Variants in FNTB observed in about 807,000 individuals in gnomAD.
The protein encoded by FNTB is farnesyltransferase, CAAX box, subunit beta.
A neutral mutation model predicts 59.4 loss-of-function variants in FNTB; 27 were observed. The ratio of observed to expected loss-of-function variants is 0.45; its 90% CI spans 0.34 to 0.63. The LOEUF is 0.63. Ranked by LOEUF, FNTB falls within the 20% of genes least tolerant of loss-of-function variation. The pLI, the probability that FNTB is intolerant of heterozygous loss-of-function variation, is 0.02. For synonymous variants in FNTB, 230 were observed against 220.7 expected, an observed-to-expected ratio of 1.04 and a Z score of -0.37; for missense variants, 449 against 559.6, an observed-to-expected ratio of 0.80 and a Z score of 1.99.
intron 3 of FNTB, among the ~76,000 whole-genome samples, chr14:65,013,562 A>G (rs577203371): frequency 4.3e-4 from 66 of 152,234 alleles, no homozygotes; most frequent in African/African-American, 1.4e-3. Flanking sequence ...TTCTCTCATA[A>G]TTTATGAGAT....
rs931529946 is a variant in FNTB, at chr14:64,990,111, T to C, written c.144+3014T>C. 6.6e-6 allele frequency among the ~76,000 whole-genome samples: 1 copy of C among 152,126 alleles called. No homozygotes were observed. The highest frequency in any genetic ancestry group is 1.5e-5 in the Non-Finnish European group (1 of 68,004). On this transcript the variant is annotated intron_variant, in intron 1 of 11. Transcript: ENST00000246166. This position sits in a 1 kb window ranked among gnomAD's most constrained non-coding sequence, Gnocchi z 5.2. ...AGGACCAAGGCAGCAGAATGCCAGG[T>C]GAGCAGGGGGCTTAGCAAACCAGAG...
At position 65,027,735 on chromosome 14, in the gene FNTB, C is replaced by A; in HGVS notation, c.559C>A (p.Pro187Thr). ...LLQYLYSLKQ[P>T]DGSFLMHVGG... ...TCAGTATTTGTACTCCCTGAAGCAACCTGACGGCTCCTTTCTCATGCATGT... is the reference window on the plus strand; with the variant it reads ...TCAGTATTTGTACTCCCTGAAGCAAACTGACGGCTCCTTTCTCATGCATGT... Residue 187 changes from proline (P) to threonine (T), a missense_variant, in exon 6 of 12, where the codon CCT becomes ACT. Coordinates refer to ENST00000246166, the MANE Select transcript of FNTB (RefSeq NM_002028.4). This position sits in a 1 kb window ranked among gnomAD's most constrained non-coding sequence, Gnocchi z 5.7. The A allele has an allele frequency of 6.2e-7, 1 of 1,614,196 alleles. No homozygotes were observed. Among genetic ancestry groups the A allele is most frequent in the Non-Finnish European group, 8.5e-7 (1 of 1,180,040 alleles).
chr14:65,039,707 A>C (rs1361093305), intron 7 of FNTB, among the ~76,000 whole-genome samples: 1 of 152,218 alleles, frequency 6.6e-6, no homozygotes, highest in African/African-American at 2.4e-5. Flanking sequence ...AGGCTGGGTA[A>C]CTTAGAAAGA....
chr14:65,059,919 C>T (rs1254266143), intron 11 of FNTB, among the ~76,000 whole-genome samples: 4 of 150,642 alleles, frequency 2.7e-5, no homozygotes, highest in East Asian at 3.9e-4. Flanking sequence ...CTGCAACCTC[C>T]GCCTCCCGGG....
At chr14:65,040,952 C>A (rs2062338633) in intron 8 of FNTB, 33 bp downstream of exon 8, 1 of 1,607,302 alleles carries the variant, frequency 6.2e-7, no homozygotes, top group African/African-American at 1.3e-5. Flanking sequence ...CCCTCTCAGG[C>A]CCCAGGTCAT....
chr14:65,015,156 G>A (rs2139522711), intron 3 of FNTB, among the ~76,000 whole-genome samples: 1 of 150,432 alleles, frequency 6.6e-6, no homozygotes, highest in Non-Finnish European at 1.5e-5. Context: ...AGGCTGGAGT[G>A]CAGTGGTGCC....
rs1341080388 is a variant in FNTB at position 65,027,704 on chromosome 14, G to T, written c.528G>T (p.Lys176Asn). 1 of 1,614,076 alleles carries T rather than the reference G, an allele frequency of 6.2e-7. No homozygotes were observed. The highest frequency in any genetic ancestry group is 8.5e-7 in the Non-Finnish European group (1 of 1,180,044). Residue 176 changes from lysine (K) to asparagine (N), a missense_variant, in exon 6 of 12, where the codon AAG becomes AAT. By Grantham distance (94) the Lys-to-Asn change is moderately conservative (BLOSUM62 0). Transcript: ENST00000246166. This position sits in a 1 kb window ranked among gnomAD's most constrained non-coding sequence, Gnocchi z 5.7. Reference protein sequence around the residue: ...EEAYDIINREKLLQYLYSLKQ... With the variant: ...EEAYDIINRENLLQYLYSLKQ... ...CTCTTTCCCTGTTTCTCAGAGAGAA[G>T]CTTCTTCAGTATTTGTACTCCCTGA...
At chr14:65,060,697 C>CAAAA (rs59036615) in intron 11 of FNTB, among the ~76,000 whole-genome samples, 1 of 48,608 alleles carries the variant, frequency 2.1e-5, no homozygotes, top group East Asian at 5.1e-4. Context: ...GACTCCGTCT[C>CAAAA]AAAAAAAAAA....
Position 65,012,460 on chromosome 14 carries a change from G to GT in FNTB, c.282+72dup, listed in dbSNP as rs1408282774. ...ATCCTCCTCCTTTTTCTATTTAAAC[G>GT]TAAAAGACTGTTGGGGCTGACCTGT... On this transcript the variant is annotated intron_variant, in intron 3 of 11. Transcript: ENST00000246166. This position sits in a 1 kb window ranked among gnomAD's most constrained non-coding sequence, Gnocchi z 5.0. 1 of 1,587,866 alleles carries GT rather than the reference G, an allele frequency of 6.3e-7. No individual in the cohort carries two copies. The highest frequency in any genetic ancestry group is 8.6e-7 in the Non-Finnish European group (1 of 1,161,298).
intron 4 of FNTB, among the ~76,000 whole-genome samples, chr14:65,016,298 G>A (rs912629793): frequency 1.3e-5 from 2 of 152,272 alleles, no homozygotes; most frequent in East Asian, 1.9e-4. Flanking sequence ...GATGGCATTC[G>A]TGATCTGGCA....
At position 65,009,194 on chromosome 14, in the gene FNTB, C is replaced by T. The variant is rs868193553; in HGVS notation, c.210-3123C>T. On this transcript the variant is annotated intron_variant, in intron 2 of 11. Coordinates refer to ENST00000246166, the MANE Select transcript of FNTB (RefSeq NM_002028.4). The surrounding 1 kb of genome is among the most constrained non-coding windows in gnomAD (Gnocchi z 4.2). ...TTAGTCAGCTTGGGCTGCCATAAGACGGTATCACAGATGGGGTGCATTAAA... is the reference window on the plus strand; with the variant it reads ...TTAGTCAGCTTGGGCTGCCATAAGATGGTATCACAGATGGGGTGCATTAAA... Among the ~76,000 whole-genome samples, 5 of 152,116 alleles carry T rather than the reference C, an allele frequency of 3.3e-5. No individual in the cohort carries two copies. Among genetic ancestry groups the T allele is most frequent in the South Asian group, 4.1e-4 (2 of 4,820 alleles).
intron 1 of FNTB, among the ~76,000 whole-genome samples, chr14:65,000,332 C>T (rs558955350): frequency 6.6e-6 from 1 of 152,260 alleles, no homozygotes; most frequent in African/African-American, 2.4e-5. Flanking sequence ...AAGATTGTGT[C>T]TGTACTGAAT....
Position 65,044,917 on chromosome 14 carries a change from C to T in FNTB, c.955+474C>T, listed in dbSNP as rs1355665444. The T allele has an allele frequency of 6.5e-6, 1 of 154,124 alleles. No individual in the cohort carries two copies. Among genetic ancestry groups the T allele is most frequent in the African/African-American group, 2.4e-5 (1 of 41,394 alleles). The allele number at this position is 154,124 out of a possible 1,614,324, so 9.5% of individuals were successfully genotyped here. On this transcript the variant is annotated intron_variant, in intron 9 of 11. Coordinates refer to ENST00000246166, the MANE Select transcript of FNTB (RefSeq NM_002028.4). The surrounding 1 kb of genome is among the most constrained non-coding windows in gnomAD (Gnocchi z 5.5). ...GGGGTGGGTTGTAGGGGTGGGTTGC[C>T]CCTACACCATGGAGAAGAGACTCGC...
chr14:65,005,533 C>CTT (rs1566865172), intron 2 of FNTB, among the ~76,000 whole-genome samples: 1 of 137,346 alleles, frequency 7.3e-6, no homozygotes, highest in Non-Finnish European at 1.5e-5. Context: ...TTCTCTTTCT[C>CTT]TTTCTTTCTC....
chr14:64,990,509 C>T lies in FNTB; in HGVS notation c.144+3412C>T, dbSNP rs1888156122. Among the ~76,000 whole-genome samples, 1 of 152,224 alleles carries T rather than the reference C, an allele frequency of 6.6e-6. No individual in the cohort carries two copies. The highest frequency in any genetic ancestry group is 1.5e-5 in the Non-Finnish European group (1 of 68,040). ...TCTCCCTCCCTCTCCATCCTTCACA[C>T]CTTCAGGTCTATGAGGAGTTCAGGT... On this transcript the variant is annotated intron_variant, in intron 1 of 11. Coordinates refer to ENST00000246166, the MANE Select transcript of FNTB (RefSeq NM_002028.4). The surrounding 1 kb of genome is among the most constrained non-coding windows in gnomAD (Gnocchi z 5.2).
rs1312844771 is a variant in FNTB at position 65,054,506 on chromosome 14, T to C, written c.1068-69T>C. The stretch of plus-strand genomic sequence containing the variant: ...GTGATTGCACCAGTGGTCTCTGAAT[T>C]GGTGTGGCTACATTTGTAGATGTGT... On this transcript the variant is annotated intron_variant, in intron 10 of 11. Transcript: ENST00000246166. This position sits in a 1 kb window ranked among gnomAD's most constrained non-coding sequence, Gnocchi z 4.4. 2.0e-6 allele frequency: 3 copies of C among 1,477,730 alleles called. No homozygotes were observed. Among genetic ancestry groups the C allele is most frequent in the East Asian group, 4.9e-5 (2 of 40,900 alleles). The allele number at this position is 1,477,730 out of a possible 1,614,324, so 91.5% of individuals were successfully genotyped here.
chr14:64,998,003 A>G (rs1191179930), intron 1 of FNTB, among the ~76,000 whole-genome samples: 1 of 152,196 alleles, frequency 6.6e-6, no homozygotes, highest in Non-Finnish European at 1.5e-5. Context: ...TCCTACAGTC[A>G]TGTTTTGAGG....
chr14:65,004,081 C>T (rs2061546688), intron 1 of FNTB, among the ~76,000 whole-genome samples, 168 bp from the exon 2 acceptor site: 1 of 152,186 alleles, frequency 6.6e-6, no homozygotes, highest in Non-Finnish European at 1.5e-5. Flanking sequence ...TTCCCTCTCG[C>T]CTTGTCCTAA....
chr14:65,024,088 G>T (rs1358624678), intron 4 of FNTB, among the ~76,000 whole-genome samples: 1 of 150,482 alleles, frequency 6.6e-6, no homozygotes, highest in African/African-American at 2.4e-5. Context: ...GGCGACAGAG[G>T]GACACTCCAT....
Sources: allele counts gnomAD v4.1 joint callset (sites outside exome capture counted in the v4.1 genomes callset), GRCh38; gene constraint gnomAD v4.1.1; non-coding constraint Gnocchi (gnomAD v3.1); transcripts MANE v1.5; gene names NCBI Gene and HGNC (gene_info 2026-07-23, HGNC 2026-07-21).